The following AK3 variants were observed in gnomAD, a reference collection of about 807,000 sequenced individuals.
The protein encoded by AK3 is GTP:AMP phosphotransferase AK3, mitochondrial.
A neutral mutation model predicts 23.7 loss-of-function variants in AK3; 27 were observed. The ratio of observed to expected loss-of-function variants is 1.14; its 90% CI spans 0.84 to 1.57. The LOEUF is 1.57. AK3 is among the 40% of genes most tolerant of loss of function. AK3 has a pLI of 0.00. For missense variants in AK3, 406 were observed against 285.6 expected, an observed-to-expected ratio of 1.42 and a Z score of -3.04; for synonymous variants, 159 against 116.0, an observed-to-expected ratio of 1.37 and a Z score of -2.38.
At chr9:4,730,278 T>A (rs1005794613) in intron 1 of AK3, among the ~76,000 whole-genome samples, 2 of 152,162 alleles carry the variant, frequency 1.3e-5, no homozygotes, top group African/African-American at 4.8e-5. Context: ...CAACTTTGGA[T>A]ATGCTAAAAA....
chr9:4,735,426 A>AAT (rs750185381), intron 1 of AK3, among the ~76,000 whole-genome samples: 17 of 97,722 alleles, frequency 1.7e-4, no homozygotes, highest in Admixed American at 4.4e-4. Context: ...TACATATATA[A>AAT]ATATATATAT....
At chr9:4,735,509 A>G (rs182491437) in intron 1 of AK3, among the ~76,000 whole-genome samples, 11,462 of 111,940 alleles carry the variant, frequency 0.1, 1,061 homozygotes, top group East Asian at 0.33. Context: ...ACAGAGTCTC[A>G]CTGTGTTGCC....
chr9:4,724,770 C>A (rs1319840127), intron 1 of AK3, among the ~76,000 whole-genome samples: 5 of 94,618 alleles, frequency 5.3e-5, no homozygotes, highest in African/African-American at 1.1e-4. Flanking sequence ...CGGAGTGAGA[C>A]CCTGTTTCAA....
At position 4,725,224 on chromosome 9, in the gene AK3, A is replaced by G. The variant is rs547474573; in HGVS notation, c.152-2599T>C. The stretch of plus-strand genomic sequence containing the variant: ...TTTTTAGTAGAGACAGGGTTTCACC[A>G]TGTTGGCCAGGCTCGAAATCCTGAC... On this transcript the variant is annotated intron_variant, in intron 1 of 4. Transcript: ENST00000381809. Among the ~76,000 whole-genome samples the G allele has an allele frequency of 1.8e-3, 270 of 151,724 alleles. 1 individual carries two copies. Among genetic ancestry groups the G allele is most frequent in the African/African-American group, 6.3e-3 (259 of 41,390 alleles).
chr9:4,715,627 G>T (rs760930033), intron 4 of AK3, among the ~76,000 whole-genome samples: 4 of 151,952 alleles, frequency 2.6e-5, no homozygotes, highest in African/African-American at 9.7e-5. Flanking sequence ...TTGAATTCCT[G>T]CCTTTTCGAT....
rs1841523236 is a variant in AK3 at position 4,710,361 on chromosome 9, C to CAG, written c.*2614_*2615insCT. ...TAGCTGGGACTACAGGCGCCCGCCA[C>CAG]CATGCCCGGCTAATTTTTTTTTTTT... is the stretch of plus-strand genomic sequence containing the variant. On this transcript the variant is annotated 3_prime_UTR_variant, in exon 5 of 5. Coordinates refer to ENST00000381809, the MANE Select transcript of AK3 (RefSeq NM_016282.4). 7.4e-6 allele frequency: 1 copy of CAG among 135,390 alleles called. No homozygotes were observed. Among genetic ancestry groups the CAG allele is most frequent in the African/African-American group, 2.8e-5 (1 of 35,894 alleles). The allele number at this position is 135,390 out of a possible 1,614,324, so 8.4% of individuals were successfully genotyped here. A position where few individuals can be genotyped will look rare whatever the true frequency, so the allele number is the denominator to read the frequency against.
At chr9:4,733,414 G>T (rs1465074086) in intron 1 of AK3, among the ~76,000 whole-genome samples, 1 of 152,182 alleles carries the variant, frequency 6.6e-6, no homozygotes, top group Non-Finnish European at 1.5e-5. Flanking sequence ...GATGTGCATG[G>T]AAGGGGAACG....
At chr9:4,726,523 C>G (rs1156939355) in intron 1 of AK3, among the ~76,000 whole-genome samples, 1 of 152,162 alleles carries the variant, frequency 6.6e-6, no homozygotes, top group Non-Finnish European at 1.5e-5. Flanking sequence ...AAAGCAACTC[C>G]TCATCCATTC....
intron 1 of AK3, 24 bp from the exon 2 acceptor site, chr9:4,722,649 T>C (rs1587644911): frequency 6.2e-6 from 10 of 1,613,938 alleles, no homozygotes; most frequent in Non-Finnish European, 8.5e-6. Context: ...GGGAAAAAAA[T>C]CAGTAAGTGC....
chr9:4,715,922 A>G (rs1841714127), intron 4 of AK3, among the ~76,000 whole-genome samples: 1 of 152,114 alleles, frequency 6.6e-6, no homozygotes, highest in South Asian at 2.1e-4. Flanking sequence ...GATGGACATG[A>G]TCAGAGCTAA....
At chr9:4,726,501 G>C (rs1236219965) in intron 1 of AK3, among the ~76,000 whole-genome samples, 1 of 152,108 alleles carries the variant, frequency 6.6e-6, no homozygotes, top group Non-Finnish European at 1.5e-5. Flanking sequence ...CACGTTCTTT[G>C]CTCATTCATT....
Position 4,714,222 on chromosome 9 carries a change from G to A in AK3, c.564-1126C>T, listed in dbSNP as rs1182444598. Among the ~76,000 whole-genome samples, 6 of 29,630 alleles carry A rather than the reference G, an allele frequency of 2.0e-4. 1 individual carries two copies. Among genetic ancestry groups the A allele is most frequent in the East Asian group, 1.4e-3 (1 of 738 alleles). The allele number at this position is 29,630 out of a possible 152,430, so 19.4% of individuals were successfully genotyped here. A position where few individuals can be genotyped will look rare whatever the true frequency, so the allele number is the denominator to read the frequency against. On this transcript the variant is annotated intron_variant, in intron 4 of 4. Coordinates refer to ENST00000381809, the MANE Select transcript of AK3 (RefSeq NM_016282.4). ...TCCACATATACACCTCCACACATTC[G>A]CCTCCACACATACACACTGGTGTAA...
At chr9:4,736,114 C>CAAAAAAAAAAAAA (rs771506489) in intron 1 of AK3, among the ~76,000 whole-genome samples, 1 of 49,066 alleles carries the variant, frequency 2.0e-5, no homozygotes, top group South Asian at 7.1e-4. Flanking sequence ...GACTCCATCT[C>CAAAAAAAAAAAAA]AAAAAAAAAA....
intron 1 of AK3, among the ~76,000 whole-genome samples, chr9:4,730,927 A>G (rs1005129189): frequency 1.3e-5 from 2 of 152,106 alleles, no homozygotes; most frequent in Non-Finnish European, 2.9e-5. Flanking sequence ...TTATCTTCTC[A>G]GTTATAATTG....
intron 4 of AK3, among the ~76,000 whole-genome samples, chr9:4,718,146 T>G (rs1158996621): frequency 6.6e-6 from 1 of 152,210 alleles, no homozygotes; most frequent in Non-Finnish European, 1.5e-5. Flanking sequence ...CCTACAAATG[T>G]CTGCTACCAT....
intron 4 of AK3, among the ~76,000 whole-genome samples, chr9:4,714,011 CCTACACATATACAGCTACACATATACAT>C (rs1563781001): frequency 5.2e-5 from 5 of 95,580 alleles, no homozygotes; most frequent in South Asian, 3.6e-4. Flanking sequence ...CACATATACA[CCTACACATATACAGCTACACATATACAT>C]CTACACATAT....
chr9:4,725,019 C>CTTTTTTTTTTTTTTTTTTT (rs1491310710), intron 1 of AK3, among the ~76,000 whole-genome samples: 1 of 53,302 alleles, frequency 1.9e-5, no homozygotes. Context: ...AGCTACTAAA[C>CTTTTTTTTTTTTTTTTTTT]TCTTTTTTTT....
At chr9:4,720,689 C>CAAAAAAAAAAAAAA (rs61644070) in intron 2 of AK3, among the ~76,000 whole-genome samples, 1 of 140,196 alleles carries the variant, frequency 7.1e-6, no homozygotes. Flanking sequence ...ACACTGTCTC[C>CAAAAAAAAAAAAAA]AAAAAAAAAA....
intron 1 of AK3, among the ~76,000 whole-genome samples, chr9:4,723,452 T>C (rs937859457): frequency 6.6e-6 from 1 of 152,212 alleles, no homozygotes; most frequent in African/African-American, 2.4e-5. Flanking sequence ...ATTGTGATTA[T>C]GTTATATTTT....
Sources: allele counts gnomAD v4.1 joint callset (sites outside exome capture counted in the v4.1 genomes callset), GRCh38; gene constraint gnomAD v4.1.1; transcripts MANE v1.5; gene names NCBI Gene and HGNC (gene_info 2026-07-23, HGNC 2026-07-21).